The following CDKL5 variants were observed in gnomAD, a reference collection of about 807,000 sequenced individuals.
CDKL5 encodes the protein cyclin-dependent kinase-like 5.
In CDKL5, 8 loss-of-function variants were observed where a neutral mutation model predicts 61.7. That is an observed-to-expected ratio of 0.13 (90% CI 0.08 to 0.23). The LOEUF (loss-of-function observed/expected upper bound fraction) is 0.23, where lower values mean the gene tolerates loss of function less well. Ranked by LOEUF, CDKL5 falls within the 10% of genes least tolerant of loss-of-function variation. CDKL5 has a pLI of 1.00. For missense variants in CDKL5, 440 were observed against 734.5 expected, an observed-to-expected ratio of 0.60 and a Z score of 4.63; for synonymous variants, 275 against 272.3, an observed-to-expected ratio of 1.01 and a Z score of -0.10.
rs779036564 is a variant in CDKL5, at chrX:18,609,616, C to T, written c.2152+46C>T. ...CAACAGGTTCCCCTCTCCTCCCTCT[C>T]TCACTTTATGTGCACACTGCTTTCA... On this transcript the variant is annotated intron_variant, in intron 14 of 17. Transcript: ENST00000623535. 21 of 1,205,180 alleles carry T rather than the reference C, an allele frequency of 1.7e-5. No individual in the cohort carries two copies. In the South Asian group the frequency reaches 3.7e-4, roughly 21 times the overall value.
chrX:18,471,420 G>A (rs968457672), intron 1 of CDKL5, among the ~76,000 whole-genome samples: 4 of 110,585 alleles, frequency 3.6e-5, no homozygotes, highest in African/African-American at 6.6e-5. Flanking sequence ...TTGCCCAGGC[G>A]GGAGTGCAGT....
At chrX:18,517,497 G>A (rs1482908348) in intron 3 of CDKL5, among the ~76,000 whole-genome samples, 1 of 111,553 alleles carries the variant, frequency 9.0e-6, no homozygotes, top group African/African-American at 3.3e-5. Flanking sequence ...TCAAAGAAGA[G>A]AACATCTCTT....
At chrX:18,650,252 G>A in intron 20 of CDKL5, 1 of 523,485 alleles carries the variant, frequency 1.9e-6, no homozygotes, top group East Asian at 3.6e-5. Flanking sequence ...GGCTCACTCT[G>A]CGATCTAAAG....
chrX:18,650,318 C>T (rs1248600974), intron 20 of CDKL5: 1 of 840,955 alleles, frequency 1.2e-6, no homozygotes, highest in Non-Finnish European at 1.8e-6. Flanking sequence ...GTGACGCTCT[C>T]ACTGTCACCT....
intron 1 of CDKL5, among the ~76,000 whole-genome samples, chrX:18,497,714 T>A (rs1922228099): frequency 9.0e-6 from 1 of 111,403 alleles, no homozygotes; most frequent in Non-Finnish European, 1.9e-5. Context: ...AATGTCTATT[T>A]AACCATCACT....
At chrX:18,537,050 CGCT>C (rs1923866590) in intron 3 of CDKL5, among the ~76,000 whole-genome samples, 1 of 106,756 alleles carries the variant, frequency 9.4e-6, no homozygotes, top group South Asian at 4.2e-4. Context: ...CACCACAGGG[CGCT>C]GGAGGGAAGG....
intron 14 of CDKL5, among the ~76,000 whole-genome samples, chrX:18,611,884 TATC>T (rs971088867): frequency 1.8e-5 from 2 of 111,959 alleles, no homozygotes; most frequent in Non-Finnish European, 3.8e-5. Flanking sequence ...GATTTGGTGG[TATC>T]ATTGAAATAA....
chrX:18,603,811 TG>T, intron 11 of CDKL5, 90 bp from the exon 12 acceptor site: 17 of 1,001,379 alleles, frequency 1.7e-5, no homozygotes, highest in Non-Finnish European at 2.4e-5. Context: ...GTCTTCCAGG[TG>T]TTTTGAGTAT....
intron 1 of CDKL5, among the ~76,000 whole-genome samples, chrX:18,489,371 C>T (rs1375454599): frequency 9.1e-6 from 1 of 110,052 alleles, no homozygotes; most frequent in Non-Finnish European, 1.9e-5. Flanking sequence ...ATGTTGGCCA[C>T]GCTGGTCTTG....
chrX:18,505,040 ATT>A (rs1355924768), intron 1 of CDKL5, among the ~76,000 whole-genome samples: 2 of 110,856 alleles, frequency 1.8e-5, no homozygotes, highest in Non-Finnish European at 3.8e-5. Context: ...TACCACTGTT[ATT>A]CTTAGAGATG....
intron 3 of CDKL5, among the ~76,000 whole-genome samples, chrX:18,562,874 A>G: frequency 8.9e-6 from 1 of 112,171 alleles, no homozygotes; most frequent in Non-Finnish European, 1.9e-5. Flanking sequence ...CATCTGCTTT[A>G]TACAGTAAAT....
At chrX:18,517,629 T>C (rs960377551) in intron 3 of CDKL5, among the ~76,000 whole-genome samples, 2 of 110,718 alleles carry the variant, frequency 1.8e-5, no homozygotes, top group Non-Finnish European at 3.8e-5. Flanking sequence ...GAATCATTTT[T>C]CCCCCCACAG....
chrX:18,651,133 G>A (rs1441255561), intron 21 of CDKL5, among the ~76,000 whole-genome samples: 1 of 12,144 alleles, frequency 8.2e-5, no homozygotes, highest in Non-Finnish European at 1.7e-4. Flanking sequence ...CCCCACCACC[G>A]CACCCCCCGC....
In CDKL5 at chrX:18,579,721, G is replaced by T. The variant is rs967850756; in HGVS notation, c.283-127G>T. 2.2e-5 allele frequency: 14 copies of T among 638,289 alleles called. No individual in the cohort carries two copies. In the African/African-American group the frequency reaches 3.2e-4, roughly 14 times the overall value. 52.6% of individuals were successfully genotyped at this position (638,289 alleles called of 1,213,427 possible). A position where few individuals can be genotyped will look rare whatever the true frequency, so the allele number is the denominator to read the frequency against. On this transcript the variant is annotated intron_variant, in intron 5 of 17. Coordinates refer to ENST00000623535, the MANE Select transcript of CDKL5 (RefSeq NM_001323289.2). ...ATTCAGCATGAGAAAGTTGTAGATAGAAAGCAAAACAATTAAAAAAAAAAG... is the reference window on the plus strand; with the variant it reads ...ATTCAGCATGAGAAAGTTGTAGATATAAAGCAAAACAATTAAAAAAAAAAG...
At chrX:18,461,188 G>C (rs1373781039) in intron 1 of CDKL5, among the ~76,000 whole-genome samples, 1 of 112,169 alleles carries the variant, frequency 8.9e-6, no homozygotes, top group African/African-American at 3.2e-5. Flanking sequence ...GTCTTTTGGT[G>C]GGCAGTTGCT....
At chrX:18,590,769 A>G (rs1925801183) in intron 9 of CDKL5, among the ~76,000 whole-genome samples, 1 of 112,104 alleles carries the variant, frequency 8.9e-6, no homozygotes, top group African/African-American at 3.2e-5. Flanking sequence ...AGGTGTTGGA[A>G]ATATGACAAT....
At chrX:18,559,253 C>A (rs756960619) in intron 3 of CDKL5, among the ~76,000 whole-genome samples, 1 of 111,851 alleles carries the variant, frequency 8.9e-6, no homozygotes, top group African/African-American at 3.3e-5. Context: ...TCTGTCATCA[C>A]GCTGGAGTGC....
At position 18,553,461 on chromosome X, in the gene CDKL5, T is replaced by TGC. The variant is rs1205377098; in HGVS notation, c.100-11015_100-11014insCG. Among the ~76,000 whole-genome samples the TGC allele has an allele frequency of 4.0e-5, 4 of 100,456 alleles. No homozygotes were observed. In the South Asian group the frequency reaches 1.8e-3, roughly 46 times the overall value. The allele number at this position is 100,456 out of a possible 115,157, so 87.2% of individuals were successfully genotyped here. A position where few individuals can be genotyped will look rare whatever the true frequency, so the allele number is the denominator to read the frequency against. On this transcript the variant is annotated intron_variant, in intron 3 of 17. Transcript: ENST00000623535. ...CTTGGCTTGAAGGCAGTTGTGTGTG[T>TGC]GTGCGTGTGTGTGTGTGTGTGTGTG... is the stretch of plus-strand genomic sequence containing the variant.
At chrX:18,592,818 A>G (rs1031900886) in intron 9 of CDKL5, among the ~76,000 whole-genome samples, 16 of 112,168 alleles carry the variant, frequency 1.4e-4, no homozygotes, top group Non-Finnish European at 2.4e-4. Context: ...TAACCAGTCC[A>G]GTGTGATGTG....
Sources: gnomAD v4.1 joint callset for allele counts (sites outside exome capture counted in the v4.1 genomes callset) on GRCh38, gnomAD v4.1.1 for gene constraint, MANE v1.5 for transcripts, NCBI Gene and HGNC (gene_info 2026-07-23, HGNC 2026-07-21) for gene names.